The following VPS13B variants were observed in gnomAD, a reference collection of about 807,000 sequenced individuals.
VPS13B encodes the protein vacuolar protein sorting 13 homolog B, also known as intermembrane lipid transfer protein VPS13B.
VPS13B carries 285 observed loss-of-function variants against 426.4 expected under a neutral mutation model. That is an observed-to-expected ratio of 0.67 (90% confidence interval 0.61 to 0.74). VPS13B has a LOEUF of 0.74. Among genes scored for constraint, VPS13B ranks in the 30% least tolerant of loss-of-function variants. VPS13B has a pLI of 0.00. For synonymous variants in VPS13B, 1,676 were observed against 1,676.4 expected (o/e 1.00, Z 0.01); for missense variants, 4,537 against 4,782.6 (o/e 0.95, Z 1.51).
At chr8:99,562,233 G>A (rs945694038) in intron 31 of VPS13B, among the ~76,000 whole-genome samples, 8 of 152,032 alleles carry the variant, frequency 5.3e-5, no homozygotes, top group Admixed American at 5.2e-4. Context: ...TTGGCTGTTT[G>A]TGTATTTTCT....
At chr8:99,866,793 T>C (rs924377148) in intron 58 of VPS13B, among the ~76,000 whole-genome samples, 11 of 152,228 alleles carry the variant, frequency 7.2e-5, no homozygotes, top group Non-Finnish European at 1.6e-4. Flanking sequence ...GTGGCCACTA[T>C]GACTTCTGAT....
rs755978513 is a variant in VPS13B at position 99,871,475 on chromosome 8, A to T, written c.11523A>T (p.Pro3841=). ...AAATGCTTCAGTCTCTGGGCAGACC[A>T]GAAGTCCACATGGCCCTGGACGTGG... ...VWKMLQSLGR[P]EVHMALDVVL... is the part of the protein sequence containing the mutation. The change falls in exon 61 of 62, where the codon CCA becomes CCT. Residue 3841 remains proline, a synonymous_variant. Transcript: ENST00000357162. 9 of 1,614,248 alleles carry T rather than the reference A, an allele frequency of 5.6e-6. No homozygotes were observed. In the Admixed American group the frequency reaches 1.5e-4, roughly 27 times the overall value.
chr8:99,287,492 T>C (rs112141169), intron 19 of VPS13B, among the ~76,000 whole-genome samples: 195 of 152,168 alleles, frequency 1.3e-3, no homozygotes, highest in African/African-American at 4.5e-3. Flanking sequence ...CTTAATATAG[T>C]ATTATTTAAA....
At chr8:99,845,822 T>C (rs1815953382) in intron 54 of VPS13B, among the ~76,000 whole-genome samples, 1 of 152,202 alleles carries the variant, frequency 6.6e-6, no homozygotes, top group Non-Finnish European at 1.5e-5. Flanking sequence ...GACTTCTCAA[T>C]AGATGGAGAG....
intron 21 of VPS13B, among the ~76,000 whole-genome samples, chr8:99,401,148 G>C (rs1324270129): frequency 6.6e-6 from 1 of 152,128 alleles, no homozygotes; most frequent in Non-Finnish European, 1.5e-5. Context: ...CTGTACTCAG[G>C]ATACTTATTT....
In VPS13B at chr8:99,441,890, A is replaced by T. The variant is rs1343027741; in HGVS notation, c.3211-511A>T. 2.0e-5 allele frequency among the ~76,000 whole-genome samples: 3 copies of T among 152,274 alleles called. No homozygotes were observed. The East Asian group carries it at 5.8e-4, about 29-fold the overall frequency. Reference sequence around the variant, plus strand: ...ACTTGAATCATTGTATATAAAAGTGAAAGTATGTGATATAAACATGTTCTT... The same window carrying T: ...ACTTGAATCATTGTATATAAAAGTGTAAGTATGTGATATAAACATGTTCTT... On this transcript the variant is annotated intron_variant, in intron 22 of 61. Coordinates refer to ENST00000357162, the MANE Select transcript of VPS13B (RefSeq NM_152564.5).
At chr8:99,748,382 TAG>T (rs1810204039) in intron 39 of VPS13B, among the ~76,000 whole-genome samples, 1 of 152,060 alleles carries the variant, frequency 6.6e-6, no homozygotes, top group Non-Finnish European at 1.5e-5. Flanking sequence ...TAGAAAATTA[TAG>T]ATTCTTTGAG....
chr8:99,165,107 GTTTTGAAATATGTATACA>G (rs886481796), intron 15 of VPS13B, among the ~76,000 whole-genome samples: 12 of 152,124 alleles, frequency 7.9e-5, no homozygotes, highest in Non-Finnish European at 1.2e-4. Flanking sequence ...TTTATAACAT[GTTTTGAAATATGTATACA>G]TTTTGAAATA....
intron 19 of VPS13B, among the ~76,000 whole-genome samples, chr8:99,321,333 C>T (rs1303899780): frequency 6.6e-6 from 1 of 151,262 alleles, no homozygotes; most frequent in African/African-American, 2.4e-5. Flanking sequence ...CCTCAGTCTC[C>T]TGAGCAGCCA....
At chr8:99,662,984 G>A (rs1296177980) in intron 35 of VPS13B, among the ~76,000 whole-genome samples, 1 of 152,162 alleles carries the variant, frequency 6.6e-6, no homozygotes, top group Non-Finnish European at 1.5e-5. Context: ...CTTGAACTGG[G>A]AGGCAAAGGT....
chr8:99,314,812 C>T (rs1156496330), intron 19 of VPS13B, among the ~76,000 whole-genome samples: 2 of 152,140 alleles, frequency 1.3e-5, no homozygotes, highest in South Asian at 4.1e-4. Context: ...GTGTTGGGTG[C>T]ATATATGTTT....
intron 20 of VPS13B, among the ~76,000 whole-genome samples, chr8:99,385,738 C>T (rs909084180): frequency 5.3e-5 from 8 of 152,102 alleles, no homozygotes; most frequent in African/African-American, 1.7e-4. Flanking sequence ...GTTCTCACAA[C>T]CAGGGTAGTG....
At chr8:99,611,841 GA>G (rs1157017125) in intron 33 of VPS13B, among the ~76,000 whole-genome samples, 1 of 151,914 alleles carries the variant, frequency 6.6e-6, no homozygotes, top group Non-Finnish European at 1.5e-5. Context: ...TTTCTGTAAA[GA>G]AATACAGATA....
chr8:99,455,233 G>T (rs566272595), intron 23 of VPS13B, among the ~76,000 whole-genome samples: 1 of 152,226 alleles, frequency 6.6e-6, no homozygotes, highest in South Asian at 2.1e-4. Context: ...TTATAGTTTT[G>T]TGTTTTGCAT....
At chr8:99,228,124 T>C (rs1168348245) in intron 17 of VPS13B, among the ~76,000 whole-genome samples, 1 of 152,190 alleles carries the variant, frequency 6.6e-6, no homozygotes, top group East Asian at 1.9e-4. Flanking sequence ...TTTAACATAC[T>C]GAATTTAAAA....
chr8:99,017,505 T>A (rs545818675), intron 2 of VPS13B, among the ~76,000 whole-genome samples: 47 of 149,870 alleles, frequency 3.1e-4, no homozygotes, highest in Admixed American at 8.0e-4. Context: ...TTTTTATTTT[T>A]ATTTTTTGAG....
chr8:99,844,466 C>T (rs1815875014), intron 54 of VPS13B, among the ~76,000 whole-genome samples: 1 of 150,996 alleles, frequency 6.6e-6, no homozygotes, highest in Non-Finnish European at 1.5e-5. Flanking sequence ...CTCCCGGGTT[C>T]AAGTGATTCT....
At chr8:99,334,930 AT>A (rs578088991) in intron 19 of VPS13B, among the ~76,000 whole-genome samples, 216 of 152,256 alleles carry the variant, frequency 1.4e-3, no homozygotes, top group African/African-American at 4.9e-3. Context: ...TTCAGAAGGA[AT>A]GGTACCAGCT....
In VPS13B at chr8:99,870,898, T is replaced by C. The variant is rs1817373226; in HGVS notation, c.11495+11T>C. 2 of 1,612,112 alleles carry C rather than the reference T, an allele frequency of 1.2e-6. No individual in the cohort carries two copies. The highest frequency in any genetic ancestry group is 3.3e-5 in the Admixed American group (2 of 60,000). On this transcript the variant is annotated intron_variant, in intron 60 of 61. Coordinates refer to ENST00000357162, the MANE Select transcript of VPS13B (RefSeq NM_152564.5). Reference sequence around the variant, plus strand: ...TGTCAAATATGTCTGGTAAAATTATTGAGATACGTGCTCAACTTTACATCC... The same window carrying C: ...TGTCAAATATGTCTGGTAAAATTATCGAGATACGTGCTCAACTTTACATCC...
Sources: allele counts gnomAD v4.1 joint callset (sites outside exome capture counted in the v4.1 genomes callset), GRCh38; gene constraint gnomAD v4.1.1; transcripts MANE v1.5; gene names NCBI Gene and HGNC (gene_info 2026-07-23, HGNC 2026-07-21).